DPH6: variants seen among roughly 807,000 people sequenced by gnomAD.
The protein encoded by DPH6 is diphthine--ammonia ligase.
Under a neutral mutation model 38.2 loss-of-function variants are expected in DPH6, and 33 were observed. That is an observed-to-expected ratio of 0.86 (90% CI 0.65 to 1.15). The LOEUF is 1.15. Ranked by LOEUF, DPH6 falls within the 50% of genes most tolerant of loss-of-function variation. DPH6 has a pLI of 0.00. For missense variants in DPH6, 325 were observed against 320.0 expected (o/e 1.02, Z -0.12); for synonymous variants, 108 against 103.0 (o/e 1.05, Z -0.30).
Position 35,542,519 on chromosome 15 carries a change from A to G in DPH6, c.24-12T>C, listed in dbSNP as rs2055268412. 4 of 1,537,590 alleles carry G rather than the reference A, an allele frequency of 2.6e-6. No individual in the cohort carries two copies. In the East Asian group the frequency reaches 6.9e-5, roughly 26 times the overall value. ...TGTCCTTCCCACCACTAAACAATAA[A>G]TCAAGAGAGGGACAAATATCATGCT... is the stretch of plus-strand genomic sequence containing the variant. On this transcript the variant is annotated splice_polypyrimidine_tract_variant and intron_variant, in intron 1 of 8. Transcript: ENST00000256538.
the DPH6 span, among the ~76,000 whole-genome samples, chr15:35,205,615 G>T: frequency 1.3e-5 from 2 of 151,892 alleles, no homozygotes; most frequent in African/African-American, 4.8e-5. Flanking sequence ...CTACTATTTT[G>T]AAAGCATATA....
chr15:35,365,161 A>T (rs570728485), intron 3 of DPH6, among the ~76,000 whole-genome samples: 1 of 152,174 alleles, frequency 6.6e-6, no homozygotes, highest in African/African-American at 2.4e-5. Flanking sequence ...CTGGGCTTAA[A>T]TCTATCATTA....
At chr15:35,456,004 A>T (rs1311063087) in intron 3 of DPH6, among the ~76,000 whole-genome samples, 1 of 152,234 alleles carries the variant, frequency 6.6e-6, no homozygotes, top group African/African-American at 2.4e-5. Context: ...ATGTCTTTAA[A>T]GTCGATTTAA....
intron 3 of DPH6, among the ~76,000 whole-genome samples, chr15:35,238,961 C>G (rs1253423365): frequency 6.8e-6 from 1 of 147,206 alleles, no homozygotes; most frequent in African/African-American, 2.5e-5. Context: ...CCTTTGCTGA[C>G]TCTCTTTTCG....
In DPH6 at chr15:35,299,525, C is replaced by A. The variant is rs894166841; in HGVS notation, n.200+73996G>T. 2.7e-4 allele frequency: 165 copies of A among 617,722 alleles called. 1 individual carries two copies. Among genetic ancestry groups the A allele is most frequent in the Non-Finnish European group, 3.0e-4 (103 of 340,848 alleles). The allele number at this position is 617,722 out of a possible 1,614,324, so 38.3% of individuals were successfully genotyped here. A position where few individuals can be genotyped will look rare whatever the true frequency, so the allele number is the denominator to read the frequency against. ...CAGCGCGGAGCCGGGGAGGCAGGAG[C>A]CAACGGCGGCACCACCCTCCGCTGA... On this transcript the variant is annotated intron_variant and non_coding_transcript_variant, in intron 3 of 3. Coordinates refer to the DPH6 transcript ENST00000560386.
chr15:35,149,581 C>T, the DPH6 span, among the ~76,000 whole-genome samples: 3 of 152,192 alleles, frequency 2.0e-5, no homozygotes, highest in East Asian at 5.8e-4. Context: ...CTGACCACCA[C>T]ACGGGCCTTC....
the DPH6 span, among the ~76,000 whole-genome samples, chr15:35,157,347 GT>G: frequency 6.6e-6 from 1 of 152,000 alleles, no homozygotes; most frequent in Non-Finnish European, 1.5e-5. Flanking sequence ...TTAAGATAAT[GT>G]AACACAGTTA....
intron 5 of DPH6, among the ~76,000 whole-genome samples, chr15:35,443,503 G>C (rs964999388): frequency 3.9e-5 from 6 of 152,142 alleles, no homozygotes; most frequent in African/African-American, 1.2e-4. Context: ...GGCAGCTGTT[G>C]TCCCTTCCCT....
At chr15:35,348,253 T>C (rs774849212) in intron 3 of DPH6, among the ~76,000 whole-genome samples, 1 of 152,212 alleles carries the variant, frequency 6.6e-6, no homozygotes, top group African/African-American at 2.4e-5. Context: ...TTTCCTTCTA[T>C]GTTTTCTACC....
At chr15:35,490,182 CTCTT>C (rs1046764748) in intron 3 of DPH6, 5 of 985,086 alleles carry the variant, frequency 5.1e-6, no homozygotes, top group African/African-American at 1.7e-5. Context: ...ATTCCTGTGG[CTCTT>C]TCTTACTCTT....
intron 5 of DPH6, among the ~76,000 whole-genome samples, chr15:35,435,072 T>A (rs2053680268): frequency 6.6e-6 from 1 of 151,936 alleles, no homozygotes; most frequent in Admixed American, 6.6e-5. Flanking sequence ...CTATGCCTGG[T>A]CACTAATGAG....
At chr15:35,358,227 T>A (rs1438343270) in intron 3 of DPH6, among the ~76,000 whole-genome samples, 1 of 152,164 alleles carries the variant, frequency 6.6e-6, no homozygotes, top group African/African-American at 2.4e-5. Flanking sequence ...GTTTTCTGAA[T>A]TTTTGATTTT....
At chr15:35,415,112 G>T (rs1287296189) in intron 5 of DPH6, among the ~76,000 whole-genome samples, 1 of 151,772 alleles carries the variant, frequency 6.6e-6, no homozygotes, top group African/African-American at 2.4e-5. Context: ...ATGTTTTCCA[G>T]TACAATTACG....
rs547797807 is a variant in DPH6, at chr15:35,230,144, G to A, written n.201-9562C>T. On this transcript the variant is annotated intron_variant and non_coding_transcript_variant, in intron 3 of 3. Coordinates refer to the DPH6 transcript ENST00000560386. ...CTAGGCCCCAGGCAGGTCCAGAGGC[G>A]TCATCTGGGAGCCAGGGACTACTGT... 1.1e-4 allele frequency among the ~76,000 whole-genome samples: 17 copies of A among 152,304 alleles called. No individual in the cohort carries two copies. In the East Asian group the frequency reaches 1.4e-3, roughly 12 times the overall value.
intron 6 of DPH6, among the ~76,000 whole-genome samples, chr15:35,402,452 T>C (rs899476852): frequency 6.6e-6 from 1 of 152,182 alleles, no homozygotes; most frequent in African/African-American, 2.4e-5. Context: ...CATTATCATG[T>C]ATAATCAATA....
At chr15:35,301,130 T>G (rs933642209) in intron 3 of DPH6, among the ~76,000 whole-genome samples, 1 of 152,226 alleles carries the variant, frequency 6.6e-6, no homozygotes, top group Non-Finnish European at 1.5e-5. Context: ...TACATAGTAC[T>G]ATGTAGGTTT....
downstream of DPH6, chr15:35,217,320 T>C (rs928969009): frequency 2.6e-5 from 4 of 152,154 alleles, no homozygotes; most frequent in Admixed American, 1.3e-4. Context: ...GCAGTGGATA[T>C]TTAGAAGGCA....
intron 3 of DPH6, chr15:35,238,286 A>C (rs954501250): frequency 6.2e-6 from 2 of 324,290 alleles, no homozygotes; most frequent in Non-Finnish European, 1.2e-5. Flanking sequence ...AAAAATGACC[A>C]TTAAGCAGTA....
At chr15:35,538,515 A>G in intron 2 of DPH6, 48 bp from the exon 3 acceptor site, 1 of 1,404,656 alleles carries the variant, frequency 7.1e-7, no homozygotes, top group Non-Finnish European at 9.5e-7. Context: ...GTGAAAAAGA[A>G]AGCGGATTTG....
Sources: allele counts gnomAD v4.1 joint callset (sites outside exome capture counted in the v4.1 genomes callset), GRCh38; gene constraint gnomAD v4.1.1; transcripts MANE v1.5; gene names NCBI Gene and HGNC (gene_info 2026-07-23, HGNC 2026-07-21).